Variants in NTNG2 observed in about 807,000 individuals in gnomAD.
The protein encoded by NTNG2 is netrin-G2.
In NTNG2, 15 loss-of-function variants were observed where a neutral mutation model predicts 47.6. That is an observed-to-expected ratio of 0.32 (90% CI 0.21 to 0.49). The LOEUF (loss-of-function observed/expected upper bound fraction) is 0.49, where lower values mean the gene tolerates loss of function less well. Ranked by LOEUF, NTNG2 falls within the 20% of genes least tolerant of loss-of-function variation. The pLI is 0.99. For missense variants in NTNG2, 578 were observed against 764.6 expected (o/e 0.76, Z 2.88); for synonymous variants, 307 against 324.6 (o/e 0.95, Z 0.58).
Position 132,208,215 on chromosome 9 carries a change from A to G in NTNG2, c.857+9606A>G, listed in dbSNP as rs866031533. Among the ~76,000 whole-genome samples the G allele has an allele frequency of 6.6e-6, 1 of 151,872 alleles. No individual in the cohort carries two copies. Among genetic ancestry groups the G allele is most frequent in the Non-Finnish European group, 1.5e-5 (1 of 67,948 alleles). On this transcript the variant is annotated intron_variant, in intron 3 of 7. Coordinates refer to ENST00000393229, the MANE Select transcript of NTNG2 (RefSeq NM_032536.4). The surrounding 1 kb of genome is among the most constrained non-coding windows in gnomAD (Gnocchi z 4.0). ...CTTTGAAGGAGAAACCTGAAGGGGGAACGGGGGCACGGCATTTGTGGCAGG... is the reference window on the plus strand; with the variant it reads ...CTTTGAAGGAGAAACCTGAAGGGGGGACGGGGGCACGGCATTTGTGGCAGG...
At chr9:132,240,817 G>A in intron 6 of NTNG2, 93 bp from the exon 7 acceptor site, 1 of 1,574,180 alleles carries the variant, frequency 6.4e-7, no homozygotes, top group Non-Finnish European at 8.6e-7. Context: ...GGGGAGTGTG[G>A]AGATGCTCCC....
In NTNG2 at chr9:132,180,131, T is replaced by C. The variant is rs75350912; in HGVS notation, c.213+13087T>C. Among the ~76,000 whole-genome samples the C allele has an allele frequency of 0.011, 1,692 of 152,296 alleles. 29 individuals carry two copies. The highest frequency in any genetic ancestry group is 0.037 in the African/African-American group (1,553 of 41,544). ...GGGCCTCTTCAGCCCCTCATTCCAC[T>C]TCCCTCCTGCTGCCCAAGTCATTCG... On this transcript the variant is annotated intron_variant, in intron 2 of 7. Coordinates refer to ENST00000393229, the MANE Select transcript of NTNG2 (RefSeq NM_032536.4). This position sits in a 1 kb window ranked among gnomAD's most constrained non-coding sequence, Gnocchi z 4.2.
At position 132,166,561 on chromosome 9, in the gene NTNG2, C is replaced by T. The variant is rs879667744; in HGVS notation, c.-271C>T. 6 of 490,874 alleles carry T rather than the reference C, an allele frequency of 1.2e-5. No individual in the cohort carries two copies. The highest frequency in any genetic ancestry group is 2.2e-5 in the Non-Finnish European group (6 of 267,810). 30.4% of individuals were successfully genotyped at this position (490,874 alleles called of 1,614,324 possible). A position where few individuals can be genotyped will look rare whatever the true frequency, so the allele number is the denominator to read the frequency against. On this transcript the variant is annotated 5_prime_UTR_variant, in exon 2 of 8. Transcript: ENST00000393229. ...ATTCACCTCCAGGGGAGGTGTGATA[C>T]CAGGGTTAGGAGGACGTGAAGTTAT...
At chr9:132,166,328 T>C (rs1049483949) in intron 1 of NTNG2, 21 bp from the exon 2 acceptor site, 2 of 164,206 alleles carry the variant, frequency 1.2e-5, no homozygotes, top group African/African-American at 4.8e-5. Context: ...CTCCTGATTT[T>C]ATTTTATCTT....
At chr9:132,170,208 C>A (rs1835807137) in intron 2 of NTNG2, among the ~76,000 whole-genome samples, 1 of 152,244 alleles carries the variant, frequency 6.6e-6, no homozygotes, top group Non-Finnish European at 1.5e-5. Flanking sequence ...GGCTTCCTGT[C>A]CTTCAGCAAG....
chr9:132,220,956 T>C (rs1840312001), intron 3 of NTNG2, among the ~76,000 whole-genome samples: 1 of 152,210 alleles, frequency 6.6e-6, no homozygotes, highest in Non-Finnish European at 1.5e-5. Context: ...ATCCCAGGTC[T>C]TATGAGTCTG....
At chr9:132,223,510 C>T (rs1456339562) in intron 3 of NTNG2, among the ~76,000 whole-genome samples, 1 of 152,116 alleles carries the variant, frequency 6.6e-6, no homozygotes, top group African/African-American at 2.4e-5. Context: ...GTCACCCCTC[C>T]CAGTGGAAGG....
intron 7 of NTNG2, 73 bp downstream of exon 7, chr9:132,241,117 G>A (rs1464989119): frequency 1.4e-5 from 21 of 1,474,262 alleles, no homozygotes; most frequent in Non-Finnish European, 1.4e-5. Flanking sequence ...AGTGGGCGGG[G>A]CCTAGTGGGA....
chr9:132,198,172 C>T lies in NTNG2; in HGVS notation c.420C>T (p.Thr140=). ...AGCTGACCGACGACGTGGTGATGAC[C>T]TTCGAGTACGGCCGGCCCACGGTCA... ...TVELTDDVVM[T]FEYGRPTVMV... Residue 140 remains threonine (T), a synonymous_variant, in exon 3 of 8, where the codon ACC becomes ACT. Transcript: ENST00000393229. The T allele has an allele frequency of 6.2e-7, 1 of 1,613,664 alleles. No individual in the cohort carries two copies. Among genetic ancestry groups the T allele is most frequent in the South Asian group, 1.1e-5 (1 of 91,080 alleles).
chr9:132,164,765 T>C (rs964144638), intron 1 of NTNG2, among the ~76,000 whole-genome samples: 2 of 152,174 alleles, frequency 1.3e-5, no homozygotes, highest in Admixed American at 6.5e-5. Flanking sequence ...TTCTCGTTCA[T>C]CTCCATCAGC....
At chr9:132,186,531 G>A (rs1228809202) in intron 2 of NTNG2, among the ~76,000 whole-genome samples, 1 of 152,216 alleles carries the variant, frequency 6.6e-6, no homozygotes, top group East Asian at 1.9e-4. Context: ...CGGTCCTGAT[G>A]AGCAGTGGGT....
intron 2 of NTNG2, among the ~76,000 whole-genome samples, chr9:132,168,451 C>G (rs1015953624): frequency 1.3e-4 from 20 of 152,192 alleles, no homozygotes; most frequent in African/African-American, 4.8e-4. Flanking sequence ...GCTCACATCA[C>G]AGGGCAGTCA....
Position 132,198,160 on chromosome 9 carries a change from C to T in NTNG2, c.408C>T (p.Asp136=). 1 of 1,613,710 alleles carries T rather than the reference C, an allele frequency of 6.2e-7. No homozygotes were observed. The highest frequency in any genetic ancestry group is 8.5e-7 in the Non-Finnish European group (1 of 1,180,014). The change falls in exon 3 of 8, where the codon GAC becomes GAT. Residue 136 remains aspartate, a synonymous_variant. Coordinates refer to ENST00000393229, the MANE Select transcript of NTNG2 (RefSeq NM_032536.4). ...ACAAGACCGTGGAGCTGACCGACGA[C>T]GTGGTGATGACCTTCGAGTACGGCC... The part of the protein sequence containing the change: ...SWNKTVELTD[D]VVMTFEYGRP...
chr9:132,209,002 G>A (rs570565858), intron 3 of NTNG2, among the ~76,000 whole-genome samples: 141 of 152,308 alleles, frequency 9.3e-4, no homozygotes, highest in African/African-American at 2.6e-3. Context: ...TGGCGTGGCC[G>A]CCTGCGTGGC....
rs189684137 is a variant in NTNG2, at chr9:132,226,114, T to G, written c.858-735T>G. 9.2e-4 allele frequency among the ~76,000 whole-genome samples: 140 copies of G among 152,328 alleles called. 1 individual carries two copies. Among genetic ancestry groups the G allele is most frequent in the South Asian group, 2.1e-3 (10 of 4,828 alleles). ...CTGGAGCTATGCATTCATCAGGGAC[T>G]GCAAATTCTCTCGTGAAATGCTTCT... On this transcript the variant is annotated intron_variant, in intron 3 of 7. Transcript: ENST00000393229. This position sits in a 1 kb window ranked among gnomAD's most constrained non-coding sequence, Gnocchi z 4.8.
At chr9:132,235,463 T>C (rs936953419) in intron 5 of NTNG2, among the ~76,000 whole-genome samples, 7 of 152,196 alleles carry the variant, frequency 4.6e-5, no homozygotes, top group Non-Finnish European at 7.3e-5. Context: ...GCTGAAATAG[T>C]GTAGATGCTG....
In NTNG2 at chr9:132,231,612, A is replaced by T; in HGVS notation, c.1054+1017A>T. 7.3e-6 allele frequency: 2 copies of T among 274,414 alleles called. No homozygotes were observed. The highest frequency in any genetic ancestry group is 1.5e-5 in the Non-Finnish European group (2 of 137,718). 17.0% of individuals were successfully genotyped at this position (274,414 alleles called of 1,614,324 possible). The stretch of plus-strand genomic sequence containing the variant: ...GTGTCCCCACCCCGGCAACCCCCCA[A>T]CCCTCTCTTGCTTTTCCCATCTCTC... On this transcript the variant is annotated intron_variant, in intron 5 of 7. Coordinates refer to ENST00000393229, the MANE Select transcript of NTNG2 (RefSeq NM_032536.4). This position sits in a 1 kb window ranked among gnomAD's most constrained non-coding sequence, Gnocchi z 4.1.
rs2131264041 is a variant in NTNG2, at chr9:132,166,557, G to A, written c.-275G>A. 4.1e-6 allele frequency: 2 copies of A among 486,392 alleles called. No individual in the cohort carries two copies. 30.1% of individuals were successfully genotyped at this position (486,392 alleles called of 1,614,324 possible). ...TCAGATTCACCTCCAGGGGAGGTGT[G>A]ATACCAGGGTTAGGAGGACGTGAAG... On this transcript the variant is annotated 5_prime_UTR_variant, in exon 2 of 8. Coordinates refer to ENST00000393229, the MANE Select transcript of NTNG2 (RefSeq NM_032536.4).
chr9:132,227,128 C>A, intron 4 of NTNG2, 107 bp downstream of exon 4: 1 of 1,215,284 alleles, frequency 8.2e-7, no homozygotes, highest in Non-Finnish European at 1.1e-6. Context: ...TGCACACAGG[C>A]ACATACGTGT....
Sources: allele counts gnomAD v4.1 joint callset (sites outside exome capture counted in the v4.1 genomes callset), GRCh38; gene constraint gnomAD v4.1.1; non-coding constraint Gnocchi (gnomAD v3.1); transcripts MANE v1.5; gene names NCBI Gene and HGNC (gene_info 2026-07-23, HGNC 2026-07-21).